PRKCH: variants seen among roughly 807,000 people sequenced by gnomAD.
The protein encoded by PRKCH is protein kinase C eta.
PRKCH carries 28 observed loss-of-function variants against 82.5 expected under a neutral mutation model. The observed-to-expected ratio is 0.34, with a 90% CI of 0.25 to 0.47. The LOEUF is 0.47. PRKCH is among the 20% of genes least tolerant of loss of function. PRKCH has a pLI of 1.00. For synonymous variants in PRKCH, 322 were observed against 327.4 expected (o/e 0.98, Z 0.18); for missense variants, 705 against 881.8 (o/e 0.80, Z 2.54).
chr14:61,242,490 C>T (rs1456080046), intron 1 of PRKCH, among the ~76,000 whole-genome samples: 1 of 152,192 alleles, frequency 6.6e-6, no homozygotes, highest in South Asian at 2.1e-4. Context: ...CTCTGCCTCC[C>T]AGGTTCAATC....
At chr14:61,214,363 A>C (rs146674206) in intron 1 of PRKCH, among the ~76,000 whole-genome samples, 1 of 152,178 alleles carries the variant, frequency 6.6e-6, no homozygotes, top group Non-Finnish European at 1.5e-5. Flanking sequence ...TTGCTGGATC[A>C]TATGATCATC....
Position 61,529,060 on chromosome 14 carries a change from C to G in PRKCH, c.1434-15C>G, listed in dbSNP as rs766978746. On this transcript the variant is annotated splice_polypyrimidine_tract_variant and intron_variant, in intron 10 of 13. Transcript: ENST00000332981. ...TCTGGCTGCCCTATCTCGTGCTGCT[C>G]TTTGTATCTTTCAGAGATCTGAAAC... 3.8e-6 allele frequency: 6 copies of G among 1,598,824 alleles called. No individual in the cohort carries two copies. Among genetic ancestry groups the G allele is most frequent in the Non-Finnish European group, 4.3e-6 (5 of 1,171,222 alleles).
intron 12 of PRKCH, among the ~76,000 whole-genome samples, chr14:61,535,491 A>C (rs1332502461): frequency 1.3e-5 from 2 of 152,244 alleles, no homozygotes; most frequent in African/African-American, 4.8e-5. Flanking sequence ...GAAAGTGTGC[A>C]GAGGTCTTGA....
intron 1 of PRKCH, among the ~76,000 whole-genome samples, chr14:61,203,942 T>C (rs1466770154): frequency 6.6e-6 from 1 of 152,184 alleles, no homozygotes; most frequent in Non-Finnish European, 1.5e-5. Context: ...GGGAACTTAC[T>C]AGAAATGCTA....
chr14:61,482,415 G>A (rs892124126), intron 9 of PRKCH, among the ~76,000 whole-genome samples: 2 of 152,290 alleles, frequency 1.3e-5, no homozygotes, highest in South Asian at 4.1e-4. Flanking sequence ...TTTAAAATGG[G>A]GTGAACAGAA....
At chr14:61,264,275 T>A (rs2045076586) in intron 1 of PRKCH, among the ~76,000 whole-genome samples, 1 of 152,182 alleles carries the variant, frequency 6.6e-6, no homozygotes, top group South Asian at 2.1e-4. Flanking sequence ...TTTACAGTAG[T>A]TTAAGTTTAC....
At chr14:61,334,703 A>G (rs1309453592) in intron 1 of PRKCH, among the ~76,000 whole-genome samples, 1 of 152,160 alleles carries the variant, frequency 6.6e-6, no homozygotes, top group East Asian at 1.9e-4. Flanking sequence ...AACGATGAGC[A>G]AGTCCCTCCA....
At chr14:61,457,087 A>G in intron 7 of PRKCH, 89 bp from the exon 8 acceptor site, 1 of 1,447,012 alleles carries the variant, frequency 6.9e-7, no homozygotes, top group African/African-American at 1.4e-5. Flanking sequence ...TGGGGGTGAG[A>G]CTGCTCCCAG....
intron 10 of PRKCH, among the ~76,000 whole-genome samples, chr14:61,509,699 A>C (rs1566920825): frequency 6.6e-6 from 1 of 152,112 alleles, no homozygotes; most frequent in Non-Finnish European, 1.5e-5. Context: ...AGCCCTGCCA[A>C]CATGGTGAGA....
intron 2 of PRKCH, among the ~76,000 whole-genome samples, chr14:61,414,551 G>A (rs1364700493): frequency 1.3e-5 from 2 of 151,102 alleles, no homozygotes; most frequent in Middle Eastern, 3.4e-3. Context: ...AGGATTACAG[G>A]CATGAGCCAC....
intron 1 of PRKCH, among the ~76,000 whole-genome samples, chr14:61,195,986 A>T (rs1048042481): frequency 6.6e-6 from 1 of 152,218 alleles, no homozygotes; most frequent in African/African-American, 2.4e-5. Flanking sequence ...GGGTTTTATG[A>T]AAAAGACAGA....
intron 1 of PRKCH, among the ~76,000 whole-genome samples, chr14:61,225,799 C>T (rs934617191): frequency 6.6e-6 from 1 of 151,360 alleles, no homozygotes; most frequent in Non-Finnish European, 1.5e-5. Flanking sequence ...AGTGCAGTGG[C>T]ACAATCTTGG....
intron 12 of PRKCH, among the ~76,000 whole-genome samples, chr14:61,541,719 GA>G (rs1324305475): frequency 6.6e-6 from 1 of 152,170 alleles, no homozygotes; most frequent in African/African-American, 2.4e-5. Flanking sequence ...GACAGATTTT[GA>G]AAGAGGAAAA....
intron 1 of PRKCH, among the ~76,000 whole-genome samples, chr14:61,253,676 C>G (rs2044968954): frequency 6.6e-6 from 1 of 152,096 alleles, no homozygotes; most frequent in African/African-American, 2.4e-5. Flanking sequence ...AACTCTCTGC[C>G]TCTCATATAA....
intron 1 of PRKCH, among the ~76,000 whole-genome samples, chr14:61,289,182 T>G (rs766282160): frequency 3.3e-5 from 5 of 152,176 alleles, no homozygotes; most frequent in African/African-American, 4.8e-5. Flanking sequence ...GTGAGCAAAT[T>G]CCTTAATAAG....
chr14:61,278,003 A>C (rs1453193862), intron 1 of PRKCH: 1 of 152,250 alleles, frequency 6.6e-6, no homozygotes, highest in Admixed American at 6.5e-5. Flanking sequence ...CATAACCTTT[A>C]TTCTCTCTCA....
intron 1 of PRKCH, among the ~76,000 whole-genome samples, chr14:61,330,545 A>G (rs529898501): frequency 1.3e-5 from 2 of 152,358 alleles, no homozygotes; most frequent in South Asian, 4.1e-4. Context: ...TAAAATAATC[A>G]TAGATGTTGA....
At chr14:61,510,365 G>A (rs1887323289) in intron 10 of PRKCH, among the ~76,000 whole-genome samples, 1 of 152,086 alleles carries the variant, frequency 6.6e-6, no homozygotes, top group Non-Finnish European at 1.5e-5. Flanking sequence ...CTTCTCATAG[G>A]TCAGGCAAGA....
At chr14:61,519,306 AATGAATGAATG>A (rs1157798047) in intron 10 of PRKCH, among the ~76,000 whole-genome samples, 17 of 151,956 alleles carry the variant, frequency 1.1e-4, no homozygotes, top group African/African-American at 2.2e-4. Context: ...TGAATGAATG[AATGAATGAATG>A]AATAAATAAA....
Sources: allele counts gnomAD v4.1 joint callset (sites outside exome capture counted in the v4.1 genomes callset), GRCh38; gene constraint gnomAD v4.1.1; transcripts MANE v1.5; gene names NCBI Gene and HGNC (gene_info 2026-07-23, HGNC 2026-07-21).